The following RNF150 variants were observed in gnomAD, a reference collection of about 807,000 sequenced individuals.
The protein encoded by RNF150 is ring finger protein 150.
A neutral mutation model predicts 39.3 loss-of-function variants in RNF150; 24 were observed. That is an observed-to-expected ratio of 0.61 (90% confidence interval 0.44 to 0.86). The LOEUF is 0.86. Ranked by LOEUF, RNF150 falls within the 40% of genes least tolerant of loss-of-function variation. RNF150 has a pLI of 0.00. For missense variants in RNF150, 502 were observed against 587.8 expected, an observed-to-expected ratio of 0.85 and a Z score of 1.51; for synonymous variants, 255 against 227.3, an observed-to-expected ratio of 1.12 and a Z score of -1.10.
At chr4:141,180,728 A>T (rs548956249) in intron 1 of RNF150, among the ~76,000 whole-genome samples, 2 of 152,298 alleles carry the variant, frequency 1.3e-5, no homozygotes, top group East Asian at 3.9e-4. Context: ...CATTAAGCAG[A>T]TAAGCAGAAC....
At position 141,070,942 on chromosome 4, in the gene RNF150, T is replaced by C. The variant is rs1345848627; in HGVS notation, c.484+61383A>G. Among the ~76,000 whole-genome samples, 51 of 136,114 alleles carry C rather than the reference T, an allele frequency of 3.7e-4. 1 individual carries two copies. In the East Asian group the frequency reaches 9.5e-3, roughly 25 times the overall value. The allele number at this position is 136,114 out of a possible 152,430, so 89.3% of individuals were successfully genotyped here. On this transcript the variant is annotated intron_variant, in intron 1 of 6. Transcript: ENST00000515673. ...AAAGACTCATGCACACGTATATTTA[T>C]TGCAGCACTATTCACAATAGCAAAG...
intron 6 of RNF150, among the ~76,000 whole-genome samples, chr4:140,897,238 G>A (rs759028851): frequency 6.6e-6 from 1 of 152,218 alleles, no homozygotes; most frequent in Non-Finnish European, 1.5e-5. Context: ...CAATTAATAT[G>A]AGAAAATTTC....
Position 141,016,064 on chromosome 4 carries a change from T to C in RNF150, c.485-48191A>G, listed in dbSNP as rs576241488. On this transcript the variant is annotated intron_variant, in intron 1 of 6. Coordinates refer to ENST00000515673, the MANE Select transcript of RNF150 (RefSeq NM_020724.2). ...GTTATGTGACCTCTCCACTGGTTTC[T>C]TCTGTTTTCAATCTCTCCCCATTGT... Among the ~76,000 whole-genome samples the C allele has an allele frequency of 7.2e-5, 11 of 152,290 alleles. No homozygotes were observed. The South Asian group carries it at 2.1e-3, about 29-fold the overall frequency.
At chr4:140,894,734 G>GA (rs1729876571) in intron 6 of RNF150, among the ~76,000 whole-genome samples, 1 of 152,136 alleles carries the variant, frequency 6.6e-6, no homozygotes, top group African/African-American at 2.4e-5. Flanking sequence ...AGGTACTGCT[G>GA]AATAGATCTT....
chr4:141,011,994 T>C (rs1244656286), intron 1 of RNF150, among the ~76,000 whole-genome samples: 1 of 152,272 alleles, frequency 6.6e-6, no homozygotes, highest in East Asian at 1.9e-4. Context: ...CAAGACTTCA[T>C]ATTCTAAGTT....
At chr4:141,007,849 C>T (rs1734930702) in intron 1 of RNF150, among the ~76,000 whole-genome samples, 1 of 152,174 alleles carries the variant, frequency 6.6e-6, no homozygotes, top group Non-Finnish European at 1.5e-5. Flanking sequence ...ATCTCCATTC[C>T]TACAACCAAA....
At chr4:140,979,229 G>T (rs970490122) in intron 1 of RNF150, among the ~76,000 whole-genome samples, 10 of 152,088 alleles carry the variant, frequency 6.6e-5, no homozygotes, top group Non-Finnish European at 1.5e-5. Flanking sequence ...GTTGTTCAAG[G>T]TTCAACTGTA....
intron 1 of RNF150, among the ~76,000 whole-genome samples, chr4:141,177,333 A>G (rs1413091909): frequency 6.6e-6 from 1 of 152,168 alleles, no homozygotes; most frequent in African/African-American, 2.4e-5. Context: ...CCTAAGCCCA[A>G]GTTCATGTTT....
chr4:140,916,388 C>T (rs980866965), intron 5 of RNF150, among the ~76,000 whole-genome samples: 9 of 152,240 alleles, frequency 5.9e-5, no homozygotes, highest in African/African-American at 9.6e-5. Flanking sequence ...ACAAGAACTA[C>T]GTGACGAATG....
intron 1 of RNF150, among the ~76,000 whole-genome samples, chr4:141,201,728 A>T (rs1389636204): frequency 1.3e-5 from 2 of 152,094 alleles, no homozygotes; most frequent in East Asian, 3.9e-4. Context: ...TCCTTTCTAT[A>T]TCTCAATCTC....
chr4:141,043,560 G>A (rs1002666478), intron 1 of RNF150, among the ~76,000 whole-genome samples: 2 of 152,146 alleles, frequency 1.3e-5, no homozygotes, highest in Non-Finnish European at 2.9e-5. Flanking sequence ...AAAAATGTAA[G>A]TGCTTTCTTC....
At chr4:141,123,006 A>T (rs1726655502) in intron 1 of RNF150, among the ~76,000 whole-genome samples, 3 of 152,214 alleles carry the variant, frequency 2.0e-5, no homozygotes. Flanking sequence ...TTAGACCAAG[A>T]ACAGAAACCA....
chr4:141,140,082 A>G (rs1043259322), intron 1 of RNF150, among the ~76,000 whole-genome samples: 10 of 152,296 alleles, frequency 6.6e-5, no homozygotes, highest in Middle Eastern at 3.4e-3. Context: ...CGGGCAAGGT[A>G]TATGAACTTT....
At chr4:141,203,182 G>GAT (rs1728317761) in intron 1 of RNF150, among the ~76,000 whole-genome samples, 3 of 59,110 alleles carry the variant, frequency 5.1e-5, no homozygotes, top group Non-Finnish European at 6.2e-5. Flanking sequence ...TCTTGGAGAC[G>GAT]ATATATATAT....
At chr4:141,209,531 G>C (rs2111228625) in intron 1 of RNF150, among the ~76,000 whole-genome samples, 1 of 152,226 alleles carries the variant, frequency 6.6e-6, no homozygotes, top group South Asian at 2.1e-4. Context: ...GTGATTAGGT[G>C]TGAAATTACT....
At chr4:141,083,153 A>T (rs544833273) in intron 1 of RNF150, among the ~76,000 whole-genome samples, 2 of 152,234 alleles carry the variant, frequency 1.3e-5, no homozygotes, top group African/African-American at 4.8e-5. Context: ...GGCTCATCAC[A>T]GATGGGGAAC....
Position 141,191,968 on chromosome 4 carries a change from C to T in RNF150, c.-6+20826G>A, listed in dbSNP as rs111840441. On this transcript the variant is annotated intron_variant, in intron 1 of 7. Coordinates refer to the RNF150 transcript ENST00000420921. Reference sequence around the variant, plus strand: ...GGCTTTGTAGACTCCCCTGCTTCCACCTGCTCCTAATTCCCATCCTCAGAT... The same window carrying T: ...GGCTTTGTAGACTCCCCTGCTTCCATCTGCTCCTAATTCCCATCCTCAGAT... 1.4e-3 allele frequency among the ~76,000 whole-genome samples: 220 copies of T among 152,260 alleles called. 3 individuals are homozygous for T. The highest frequency in any genetic ancestry group is 4.8e-3 in the African/African-American group (201 of 41,540).
chr4:141,178,950 G>A (rs564092524), intron 1 of RNF150, among the ~76,000 whole-genome samples: 139 of 146,998 alleles, frequency 9.5e-4, no homozygotes, highest in African/African-American at 3.6e-3. Context: ...AGCTCAATGT[G>A]ACTTTCTCTA....
chr4:140,949,411 G>A, intron 2 of RNF150, 39 bp from the exon 3 acceptor site: 1 of 1,557,010 alleles, frequency 6.4e-7, no homozygotes, highest in Non-Finnish European at 8.9e-7. Flanking sequence ...ATAAAGATCT[G>A]TAATTCTTGA....
Sources: allele counts gnomAD v4.1 joint callset (sites outside exome capture counted in the v4.1 genomes callset), GRCh38; gene constraint gnomAD v4.1.1; transcripts MANE v1.5; gene names NCBI Gene and HGNC (gene_info 2026-07-23, HGNC 2026-07-21).